PBRM1: variants seen among roughly 807,000 people sequenced by gnomAD.
PBRM1 encodes the protein polybromo 1.
A neutral mutation model predicts 194.5 loss-of-function variants in PBRM1; 27 were observed. That is an observed-to-expected ratio of 0.14 (90% confidence interval 0.10 to 0.19). The LOEUF (loss-of-function observed/expected upper bound fraction) is 0.19. Among genes scored for constraint, PBRM1 ranks in the 10% least tolerant of loss-of-function variants. The pLI is 1.00. For missense variants in PBRM1, 1,466 were observed against 2,077.2 expected, an observed-to-expected ratio of 0.71 and a Z score of 5.72; for synonymous variants, 655 against 693.2, an observed-to-expected ratio of 0.94 and a Z score of 0.87.
At chr3:52,666,119 C>A (rs1255223948) in intron 3 of PBRM1, among the ~76,000 whole-genome samples, 1 of 152,084 alleles carries the variant, frequency 6.6e-6, no homozygotes, top group African/African-American at 2.4e-5. Context: ...ACAAAATGCA[C>A]TGAAGAGTAA....
intron 25 of PBRM1, among the ~76,000 whole-genome samples, chr3:52,561,242 T>C (rs1468205865): frequency 2.0e-5 from 3 of 152,132 alleles, no homozygotes; most frequent in African/African-American, 7.2e-5. Flanking sequence ...AGTTGAGCTT[T>C]ATAAAAAAGA....
chr3:52,625,066 T>C, intron 13 of PBRM1, 125 bp from the exon 15 acceptor site: 1 of 705,038 alleles, frequency 1.4e-6, no homozygotes, highest in Non-Finnish European at 2.5e-6. Flanking sequence ...AAGACAATAT[T>C]TGAAACATTT....
At chr3:52,567,740 T>C (rs1335454243) in intron 22 of PBRM1, among the ~76,000 whole-genome samples, 1 of 151,054 alleles carries the variant, frequency 6.6e-6, no homozygotes, top group Admixed American at 6.6e-5. Flanking sequence ...CAAGCAATTA[T>C]CCTGCCTCAG....
At chr3:52,661,272 G>A (rs901290017) in intron 4 of PBRM1, among the ~76,000 whole-genome samples, 3 of 152,040 alleles carry the variant, frequency 2.0e-5, no homozygotes, top group East Asian at 1.9e-4. Context: ...TGATCCTCCC[G>A]CCTTGGCCTC....
intron 29 of PBRM1, among the ~76,000 whole-genome samples, chr3:52,549,955 C>T (rs974128408): frequency 2.0e-5 from 3 of 149,798 alleles, no homozygotes; most frequent in Non-Finnish European, 3.0e-5. Context: ...CAGTGGCTCA[C>T]GCCTGTAATC....
At chr3:52,629,097 G>C (rs1243450879) in intron 11 of PBRM1, 62 bp from the exon 13 acceptor site, 19 of 1,337,948 alleles carry the variant, frequency 1.4e-5, no homozygotes, top group Non-Finnish European at 1.0e-6. Context: ...CATTCTTCCT[G>C]AAAGTCCAAT....
chr3:52,637,312 T>C (rs1180985867), intron 10 of PBRM1, among the ~76,000 whole-genome samples: 1 of 152,114 alleles, frequency 6.6e-6, no homozygotes, highest in Non-Finnish European at 1.5e-5. Context: ...GTAAGGGAAA[T>C]GCTGTTACCT....
At chr3:52,661,275 T>C (rs1214365104) in intron 4 of PBRM1, among the ~76,000 whole-genome samples, 1 of 152,190 alleles carries the variant, frequency 6.6e-6, no homozygotes, top group East Asian at 1.9e-4. Context: ...TCCTCCCGCC[T>C]TGGCCTCCCA....
chr3:52,606,354 A>G (rs139031983), intron 16 of PBRM1, among the ~76,000 whole-genome samples: 149 of 152,274 alleles, frequency 9.8e-4, no homozygotes, highest in African/African-American at 3.5e-3. Context: ...AGATATTTGA[A>G]TTCTGTTCAC....
rs1315519817 is a variant in PBRM1 at position 52,554,896 on chromosome 3, A to G, written c.4454-17T>C. On this transcript the variant is annotated splice_polypyrimidine_tract_variant and intron_variant, in intron 26 of 29. Transcript: ENST00000296302. ...CCATCATGCCTTGAAGGACACAACA[A>G]ATTTCAGACATGCATCATTAACATG... is the stretch of plus-strand genomic sequence containing the variant. 1 of 1,603,194 alleles carries G rather than the reference A, an allele frequency of 6.2e-7. No individual in the cohort carries two copies. The highest frequency in any genetic ancestry group is 8.5e-7 in the Non-Finnish European group (1 of 1,175,914).
chr3:52,668,762 T>A (rs1281374456), intron 2 of PBRM1, 117 bp from the exon 4 acceptor site: 2 of 412,614 alleles, frequency 4.8e-6, no homozygotes, highest in Non-Finnish European at 8.1e-6. Flanking sequence ...TTAGAATCTT[T>A]CATGGACTTT....
rs1553856980 is a variant in PBRM1 at position 52,650,385 on chromosome 3, T to TG, written c.714+1356_714+1357insC. On this transcript the variant is annotated intron_variant, in intron 6 of 29. Transcript: ENST00000296302. ...TCAAAAAAAAAAAAAAAAAAAACCC[T>TG]AAAAAAAAAAAAAGATGATACATTA... 4.1e-3 allele frequency among the ~76,000 whole-genome samples: 484 copies of TG among 119,354 alleles called. 3 individuals carry two copies. Among genetic ancestry groups the TG allele is most frequent in the South Asian group, 0.023 (85 of 3,750 alleles). 78.3% of individuals were successfully genotyped at this position (119,354 alleles called of 152,430 possible).
intron 7 of PBRM1, among the ~76,000 whole-genome samples, chr3:52,647,356 G>C (rs979202928): frequency 8.4e-5 from 12 of 143,414 alleles, no homozygotes; most frequent in African/African-American, 3.1e-4. Flanking sequence ...ACAGTTTGGC[G>C]GTTCTTCAGA....
Position 52,604,958 on chromosome 3 carries a change from A to AAAATAAATAAAT in PBRM1, c.2568-1238_2568-1227dup, listed in dbSNP as rs144080973. ...AACAGAGTGAGTGAGACTCTGTCCC[A>AAAATAAATAAAT]AAATAAATAAATAAATAAATAAATA... On this transcript the variant is annotated intron_variant, in intron 16 of 29. Transcript: ENST00000296302. Among the ~76,000 whole-genome samples, 1,116 of 145,762 alleles carry AAAATAAATAAAT rather than the reference A, an allele frequency of 7.7e-3. 8 individuals are homozygous for AAAATAAATAAAT. Among genetic ancestry groups the AAAATAAATAAAT allele is most frequent in the South Asian group, 0.021 (97 of 4,614 alleles).
chr3:52,644,456 C>T (rs886923460), intron 8 of PBRM1, among the ~76,000 whole-genome samples: 3 of 152,212 alleles, frequency 2.0e-5, no homozygotes, highest in Non-Finnish European at 2.9e-5. Context: ...GCGGTCTCAG[C>T]TCACTGTAAC....
intron 13 of PBRM1, among the ~76,000 whole-genome samples, chr3:52,626,623 AT>A (rs1367927046): frequency 6.6e-6 from 1 of 152,170 alleles, no homozygotes; most frequent in African/African-American, 2.4e-5. Context: ...GAGAGATAAT[AT>A]TGCAAAATTC....
intron 4 of PBRM1, among the ~76,000 whole-genome samples, chr3:52,660,379 G>T (rs2096695987): frequency 6.6e-6 from 1 of 151,956 alleles, no homozygotes; most frequent in African/African-American, 2.4e-5. Context: ...ACTACTTAAA[G>T]AAACTGACAA....
At chr3:52,562,406 T>C (rs1185252962) in intron 24 of PBRM1, among the ~76,000 whole-genome samples, 1 of 152,086 alleles carries the variant, frequency 6.6e-6, no homozygotes, top group Non-Finnish European at 1.5e-5. Context: ...GTTTGGTTTA[T>C]AGCTGGCTAT....
At position 52,622,346 on chromosome 3, in the gene PBRM1, A is replaced by T. The variant is rs562319341; in HGVS notation, c.1542-4808T>A. Among the ~76,000 whole-genome samples, 7 of 130,368 alleles carry T rather than the reference A, an allele frequency of 5.4e-5. No homozygotes were observed. The East Asian group carries it at 9.7e-4, about 18-fold the overall frequency. 85.5% of individuals were successfully genotyped at this position (130,368 alleles called of 152,430 possible). A position where few individuals can be genotyped will look rare whatever the true frequency, so the allele number is the denominator to read the frequency against. On this transcript the variant is annotated intron_variant, in intron 13 of 29. Coordinates refer to ENST00000296302, the Ensembl canonical transcript of PBRM1. ...GGGAGAGACTCCATCTCAAAAAAAT[A>T]AAAAAAAAGAAAGACAAAAAAATAC...
Sources: allele counts gnomAD v4.1 joint callset (sites outside exome capture counted in the v4.1 genomes callset), GRCh38; gene constraint gnomAD v4.1.1; transcripts MANE v1.5; gene names NCBI Gene and HGNC (gene_info 2026-07-23, HGNC 2026-07-21).